Variants in APOLD1 observed in about 807,000 individuals in gnomAD.
The protein encoded by APOLD1 is apolipoprotein L domain containing 1.
In APOLD1, 22 loss-of-function variants were observed where a neutral mutation model predicts 15.3. The ratio of observed to expected loss-of-function variants is 1.44; its 90% CI spans 1.03 to 2.05. The LOEUF is 2.05. Among genes scored for constraint, APOLD1 ranks in the 30% most tolerant of loss-of-function variants. The pLI, the probability that APOLD1 is intolerant of heterozygous loss-of-function variation, is 0.00. For synonymous variants in APOLD1, 190 were observed against 167.4 expected, an observed-to-expected ratio of 1.13 and a Z score of -1.04; for missense variants, 394 against 353.5, an observed-to-expected ratio of 1.11 and a Z score of -0.92.
intron 1 of APOLD1, among the ~76,000 whole-genome samples, chr12:12,733,029 C>A (rs920155881): frequency 6.6e-6 from 1 of 151,814 alleles, no homozygotes; most frequent in African/African-American, 2.4e-5. Flanking sequence ...AGTTATATAT[C>A]TTGGCTGGGC....
intron 1 of APOLD1, among the ~76,000 whole-genome samples, chr12:12,733,020 G>A (rs1014682339): frequency 6.6e-6 from 1 of 152,014 alleles, no homozygotes; most frequent in Non-Finnish European, 1.5e-5. Context: ...TGTATTAACA[G>A]TTATATATCT....
chr12:12,727,143 C>T (rs1382154849), intron 1 of APOLD1, among the ~76,000 whole-genome samples: 1 of 152,216 alleles, frequency 6.6e-6, no homozygotes, highest in Non-Finnish European at 1.5e-5. Context: ...TTTCCTTGCT[C>T]ATTAGCATCT....
chr12:12,779,214 G>A (rs139517592), intron 1 of APOLD1, among the ~76,000 whole-genome samples: 8 of 152,216 alleles, frequency 5.3e-5, no homozygotes, highest in African/African-American at 1.9e-4. Context: ...TCCTGGGCAT[G>A]TATTTGCCCT....
chr12:12,727,656 G>A (rs985114212), intron 1 of APOLD1, among the ~76,000 whole-genome samples: 2 of 151,912 alleles, frequency 1.3e-5, no homozygotes, highest in African/African-American at 4.8e-5. Context: ...AGGCTGGAGT[G>A]CAGTGGTGTG....
At chr12:12,783,385 A>G (rs28516916), upstream of APOLD1, among the ~76,000 whole-genome samples, 1 of 151,418 alleles carries the variant, frequency 6.6e-6, no homozygotes, top group Non-Finnish European at 1.5e-5. Context: ...ATCTCGGCTC[A>G]CTGCAACTGC....
chr12:12,787,101 G>A lies in APOLD1; in HGVS notation c.196G>A (p.Gly66Ser), dbSNP rs780563144. Residue 66 changes from glycine (G) to serine (S), a missense_variant, in exon 2 of 2, where the codon GGC becomes AGC. Gly to Ser is a moderately conservative substitution (Grantham distance 56). Coordinates refer to ENST00000356591, the MANE Select transcript of APOLD1 (RefSeq NM_030817.3). The surrounding 1 kb of genome is among the most constrained non-coding windows in gnomAD (Gnocchi z 4.9). ...GGCCGGCAGCTCGCTGAGCGCAACGGGCGCCCTCGCCGCCATCGTGGGGCT... is the reference window on the plus strand; with the variant it reads ...GGCCGGCAGCTCGCTGAGCGCAACGAGCGCCCTCGCCGCCATCGTGGGGCT... ...NVAGSSLSATGALAAIVGLSL... is the reference protein window; with the variant it reads ...NVAGSSLSATSALAAIVGLSL... The A allele has an allele frequency of 3.5e-6, 5 of 1,413,760 alleles. No homozygotes were observed. Among genetic ancestry groups the A allele is most frequent in the Non-Finnish European group, 4.6e-6 (5 of 1,094,848 alleles). The allele number at this position is 1,413,760 out of a possible 1,614,324, so 87.6% of individuals were successfully genotyped here.
At position 12,761,812 on chromosome 12, in the gene APOLD1, TAC is replaced by T. The variant is rs1391186305; in HGVS notation, c.97-25095_97-25094del. ...GAACATATATATATACATGAACATA[TAC>T]ATATATGTATATGTATAGAGAGAGA... is the stretch of plus-strand genomic sequence containing the variant. On this transcript the variant is annotated intron_variant, in intron 1 of 1. Transcript: ENST00000326765. Among the ~76,000 whole-genome samples the T allele has an allele frequency of 2.8e-3, 353 of 127,792 alleles. 24 individuals are homozygous for T. The East Asian group carries it at 0.03, about 11-fold the overall frequency. 83.8% of individuals were successfully genotyped at this position (127,792 alleles called of 152,430 possible).
In APOLD1 at chr12:12,791,411, C is replaced by T. The variant is rs1259490876; in HGVS notation, c.*3759C>T. ...AGCAACTCTTGAGTTCATTTTTTCCCACTGTAGCAAAATTAATGCTTTCTC... is the reference window on the plus strand; with the variant it reads ...AGCAACTCTTGAGTTCATTTTTTCCTACTGTAGCAAAATTAATGCTTTCTC... On this transcript the variant is annotated 3_prime_UTR_variant, in exon 2 of 2. Coordinates refer to ENST00000356591, the MANE Select transcript of APOLD1 (RefSeq NM_030817.3). The T allele has an allele frequency of 1.3e-5, 2 of 152,130 alleles. No homozygotes were observed. The highest frequency in any genetic ancestry group is 4.8e-5 in the African/African-American group (2 of 41,434). The allele number at this position is 152,130 out of a possible 1,614,324, so 9.4% of individuals were successfully genotyped here.
chr12:12,762,293 CAG>C (rs1295776470), intron 1 of APOLD1, among the ~76,000 whole-genome samples: 2 of 152,210 alleles, frequency 1.3e-5, no homozygotes, highest in East Asian at 3.9e-4. Context: ...CTGCAAAAGA[CAG>C]AGCTGATGCA....
At chr12:12,786,386 G>A (rs546272137) in intron 1 of APOLD1, among the ~76,000 whole-genome samples, 6 of 152,146 alleles carry the variant, frequency 3.9e-5, no homozygotes, top group Admixed American at 3.9e-4. Context: ...TGTTTCTTCT[G>A]CTTGGTAGAA....
At chr12:12,749,400 C>G (rs1227775050) in intron 1 of APOLD1, among the ~76,000 whole-genome samples, 1 of 151,734 alleles carries the variant, frequency 6.6e-6, no homozygotes, top group African/African-American at 2.4e-5. Context: ...CATTCCACGC[C>G]TAAGTAACAA....
At chr12:12,772,123 T>C (rs1278332762) in intron 1 of APOLD1, among the ~76,000 whole-genome samples, 7 of 152,086 alleles carry the variant, frequency 4.6e-5, no homozygotes, top group Admixed American at 3.9e-4. Context: ...ATAAAAAATA[T>C]AGTAGATGTT....
intron 1 of APOLD1, among the ~76,000 whole-genome samples, chr12:12,732,040 C>T (rs757306201): frequency 1.3e-5 from 2 of 152,200 alleles, no homozygotes; most frequent in Non-Finnish European, 1.5e-5. Flanking sequence ...ACATCCCCAT[C>T]CATTCCTGCT....
chr12:12,746,706 C>A (rs1174793771), intron 1 of APOLD1, among the ~76,000 whole-genome samples: 1 of 152,030 alleles, frequency 6.6e-6, no homozygotes, highest in Non-Finnish European at 1.5e-5. Flanking sequence ...TTGCATGATG[C>A]TGAGGCTTGG....
intron 1 of APOLD1, among the ~76,000 whole-genome samples, chr12:12,779,870 A>G (rs1947065727): frequency 6.6e-6 from 1 of 152,204 alleles, no homozygotes. Flanking sequence ...ATTAACAAAG[A>G]TTGGAGGCTA....
intron 1 of APOLD1, among the ~76,000 whole-genome samples, chr12:12,777,581 T>A (rs1023150408): frequency 2.0e-5 from 3 of 152,170 alleles, no homozygotes; most frequent in African/African-American, 7.2e-5. Flanking sequence ...TTAGAATATT[T>A]GCATTATATG....
chr12:12,769,227 TAAAAAAAA>T (rs35276279), intron 1 of APOLD1, among the ~76,000 whole-genome samples: 2 of 61,774 alleles, frequency 3.2e-5, no homozygotes, highest in African/African-American at 1.2e-4. Flanking sequence ...GACCTCCAGC[TAAAAAAAA>T]AAAAAAAAAA....
intron 1 of APOLD1, among the ~76,000 whole-genome samples, chr12:12,760,495 C>T (rs1009117916): frequency 1.3e-5 from 2 of 151,730 alleles, no homozygotes; most frequent in South Asian, 2.1e-4. Flanking sequence ...AAAAATTAGC[C>T]GGGCGTGGTT....
chr12:12,732,278 C>A (rs1946646095), intron 1 of APOLD1, among the ~76,000 whole-genome samples: 1 of 152,206 alleles, frequency 6.6e-6, no homozygotes, highest in Non-Finnish European at 1.5e-5. Flanking sequence ...CCCTTACATA[C>A]ACACACATTT....
Sources: gnomAD v4.1 joint callset for allele counts (sites outside exome capture counted in the v4.1 genomes callset) on GRCh38, gnomAD v4.1.1 for gene constraint, Gnocchi (gnomAD v3.1) non-coding constraint, MANE v1.5 for transcripts, NCBI Gene and HGNC (gene_info 2026-07-23, HGNC 2026-07-21) for gene names.